Variants in GNAI1 observed in about 807,000 individuals in gnomAD.
GNAI1 encodes G protein subunit alpha i1.
In GNAI1, 11 loss-of-function variants were observed where a neutral mutation model predicts 38.9. The observed-to-expected ratio is 0.28, with a 90% CI of 0.18 to 0.47. The LOEUF is 0.47. GNAI1 is among the 20% of genes least tolerant of loss of function. The pLI is 0.99. For missense variants in GNAI1, 317 were observed against 436.9 expected, an observed-to-expected ratio of 0.73 and a Z score of 2.45; for synonymous variants, 166 against 145.1, an observed-to-expected ratio of 1.14 and a Z score of -1.04.
At chr7:80,137,913 A>G (rs887398920) in intron 1 of GNAI1, among the ~76,000 whole-genome samples, 9 of 152,184 alleles carry the variant, frequency 5.9e-5, no homozygotes, top group African/African-American at 1.7e-4. Flanking sequence ...GTTCGAAAAC[A>G]TTGTTTTCCT....
At chr7:80,198,852 GGA>G (rs1329804939) in intron 3 of GNAI1, among the ~76,000 whole-genome samples, 2 of 152,108 alleles carry the variant, frequency 1.3e-5, no homozygotes, top group Non-Finnish European at 2.9e-5. Flanking sequence ...AACATTTTGA[GGA>G]GAGAGGAAGA....
In GNAI1 at chr7:80,136,038, C is replaced by T. The variant is rs1398784632; in HGVS notation, c.118+760C>T. 4 of 985,306 alleles carry T rather than the reference C, an allele frequency of 4.1e-6. No individual in the cohort carries two copies. In the African/African-American group the frequency reaches 7.0e-5, roughly 17 times the overall value. The allele number at this position is 985,306 out of a possible 1,614,324, so 61.0% of individuals were successfully genotyped here. A position where few individuals can be genotyped will look rare whatever the true frequency, so the allele number is the denominator to read the frequency against. ...ACGCCAGACAACAGGGTTCTGTCTC[C>T]GCTGCCACCGTTTCTGATGAATGAG... On this transcript the variant is annotated intron_variant, in intron 1 of 7. Coordinates refer to ENST00000649796, the MANE Select transcript of GNAI1 (RefSeq NM_002069.6).
chr7:80,149,149 T>C (rs1787681822), intron 1 of GNAI1, among the ~76,000 whole-genome samples: 1 of 152,194 alleles, frequency 6.6e-6, no homozygotes, highest in South Asian at 2.1e-4. Context: ...ATTGCAAATG[T>C]AACTTTACAC....
chr7:80,145,363 G>A (rs776655167), intron 1 of GNAI1, among the ~76,000 whole-genome samples: 5 of 152,092 alleles, frequency 3.3e-5, no homozygotes, highest in African/African-American at 4.8e-5. Flanking sequence ...TTTTAAAGAG[G>A]TAATGTGGTG....
At chr7:80,210,730 T>A (rs947461101) in intron 5 of GNAI1, among the ~76,000 whole-genome samples, 4 of 50,278 alleles carry the variant, frequency 8.0e-5, no homozygotes, top group Non-Finnish European at 1.5e-4. Context: ...TTGTTTTTGC[T>A]TTTTTTTTTT....
At chr7:80,199,548 T>C (rs1340255698) in intron 4 of GNAI1, among the ~76,000 whole-genome samples, 166 bp downstream of exon 4, 2 of 152,226 alleles carry the variant, frequency 1.3e-5, no homozygotes, top group Non-Finnish European at 2.9e-5. Flanking sequence ...GTTGTGTGTG[T>C]GTAGATAGCA....
rs1022127828 is a variant in GNAI1 at position 80,221,618 on chromosome 7, T to C, written c.*4125T>C. Reference sequence around the variant, plus strand: ...TAGTATGAGAGAGTTTATATTTTAATGTTAGGTTGGAAATTTTCTTTTTTT... The same window carrying C: ...TAGTATGAGAGAGTTTATATTTTAACGTTAGGTTGGAAATTTTCTTTTTTT... On this transcript the variant is annotated 3_prime_UTR_variant, in exon 8 of 8. Transcript: ENST00000649796. 6.6e-6 allele frequency among the ~76,000 whole-genome samples: 1 copy of C among 150,450 alleles called. No individual in the cohort carries two copies. The highest frequency in any genetic ancestry group is 1.5e-5 in the Non-Finnish European group (1 of 67,824).
At chr7:80,191,457 T>C (rs767116721) in intron 3 of GNAI1, among the ~76,000 whole-genome samples, 13 of 152,152 alleles carry the variant, frequency 8.5e-5, no homozygotes, top group Admixed American at 3.9e-4. Context: ...AGTGGTGCAA[T>C]CTCAGCTCAC....
rs566718922 is a variant in GNAI1 at position 80,176,308 on chromosome 7, G to T, written c.119-12643G>T. On this transcript the variant is annotated intron_variant, in intron 1 of 7. Coordinates refer to ENST00000649796, the MANE Select transcript of GNAI1 (RefSeq NM_002069.6). ...AGAAGTGAGGAAGCTGCAGGTTCAG[G>T]AGCTTGAAGGAAAGAAGCCATCTCC... 1.2e-4 allele frequency among the ~76,000 whole-genome samples: 19 copies of T among 152,294 alleles called. No individual in the cohort carries two copies. In the South Asian group the frequency reaches 3.7e-3, roughly 30 times the overall value.
At chr7:80,186,014 A>G (rs1788380206) in intron 1 of GNAI1, among the ~76,000 whole-genome samples, 1 of 142,654 alleles carries the variant, frequency 7.0e-6, no homozygotes, top group Admixed American at 7.5e-5. Context: ...TAAGACTGCC[A>G]TCCGCACTCT....
At chr7:80,211,846 T>G (rs573287083) in intron 6 of GNAI1, among the ~76,000 whole-genome samples, 99 of 152,336 alleles carry the variant, frequency 6.5e-4, no homozygotes, top group African/African-American at 2.0e-3. Flanking sequence ...TAAGTTAACT[T>G]TATTACAAAG....
At chr7:80,177,211 T>C (rs1262732565) in intron 1 of GNAI1, among the ~76,000 whole-genome samples, 2 of 151,762 alleles carry the variant, frequency 1.3e-5, no homozygotes, top group South Asian at 2.1e-4. Context: ...TTTGTATTTT[T>C]AGTAGAGACG....
At chr7:80,172,094 A>T (rs1280724020) in intron 1 of GNAI1, among the ~76,000 whole-genome samples, 3 of 152,104 alleles carry the variant, frequency 2.0e-5, no homozygotes, top group African/African-American at 7.2e-5. Flanking sequence ...TGGAATTAGG[A>T]CCTACATGTT....
intron 3 of GNAI1, among the ~76,000 whole-genome samples, chr7:80,192,050 C>A (rs949955244): frequency 2.0e-5 from 3 of 152,132 alleles, no homozygotes; most frequent in African/African-American, 7.2e-5. Flanking sequence ...CAATTACTTA[C>A]CTTTTCACAT....
rs1242899176 is a variant in GNAI1 at position 80,134,869 on chromosome 7, CGGCGGGAGTGCAGCGGCCACT to C, written c.-290_-270del. ...CTTGGCGAGGCTGCGGCGCGGCCAC[CGGCGGGAGTGCAGCGGCCACT>C]GTACCCAGAGATTCAAAACCCCAAA... On this transcript the variant is annotated 5_prime_UTR_variant, in exon 1 of 8. Transcript: ENST00000649796. The C allele has an allele frequency of 4.2e-6, 1 of 240,358 alleles. No homozygotes were observed. The highest frequency in any genetic ancestry group is 8.0e-6 in the Non-Finnish European group (1 of 125,710). The allele number at this position is 240,358 out of a possible 1,614,324, so 14.9% of individuals were successfully genotyped here.
chr7:80,223,943 A>G lies in GNAI1; in HGVS notation c.*6450A>G, dbSNP rs771804677. ...AAGCATTTTTCTGGCTGAAGCTGCAATGGAAAGCTTCAGTATGAAGCTGGC... is the reference window on the plus strand; with the variant it reads ...AAGCATTTTTCTGGCTGAAGCTGCAGTGGAAAGCTTCAGTATGAAGCTGGC... On this transcript the variant is annotated 3_prime_UTR_variant, in exon 8 of 8. Coordinates refer to ENST00000649796, the MANE Select transcript of GNAI1 (RefSeq NM_002069.6). Among the ~76,000 whole-genome samples the G allele has an allele frequency of 2.0e-5, 3 of 152,188 alleles. No homozygotes were observed. The highest frequency in any genetic ancestry group is 4.8e-5 in the African/African-American group (2 of 41,448).
In GNAI1 at chr7:80,135,740, AG is replaced by A. The variant is rs1017602902; in HGVS notation, c.118+463del. 5 of 966,340 alleles carry A rather than the reference AG, an allele frequency of 5.2e-6. No homozygotes were observed. In the African/African-American group the frequency reaches 9.7e-5, roughly 19 times the overall value. 59.9% of individuals were successfully genotyped at this position (966,340 alleles called of 1,614,324 possible). ...TCGACTGTGGTTTTCTCATGCCCAG[AG>A]TGCCACGTTTGGTGAAATCAGTGCA... On this transcript the variant is annotated intron_variant, in intron 1 of 7. Coordinates refer to ENST00000649796, the MANE Select transcript of GNAI1 (RefSeq NM_002069.6).
chr7:80,154,081 C>T (rs62460732), intron 1 of GNAI1, among the ~76,000 whole-genome samples: 14,341 of 152,082 alleles, frequency 0.094, 716 homozygotes, highest in Non-Finnish European at 0.1. Context: ...CACCACCAAA[C>T]CCAGCTAAAT....
At position 80,217,570 on chromosome 7, in the gene GNAI1, G is replaced by A. The variant is rs1788995776; in HGVS notation, c.*77G>A. On this transcript the variant is annotated 3_prime_UTR_variant, in exon 8 of 8. Coordinates refer to ENST00000649796, the MANE Select transcript of GNAI1 (RefSeq NM_002069.6). Reference sequence around the variant, plus strand: ...ATGGATCTCTGTAGACTAGAGTCTTGCAGCAACACAGAATGTAATATAAGG... The same window carrying A: ...ATGGATCTCTGTAGACTAGAGTCTTACAGCAACACAGAATGTAATATAAGG... The A allele has an allele frequency of 1.2e-5, 9 of 753,828 alleles. No homozygotes were observed. The South Asian group carries it at 2.3e-4, about 19-fold the overall frequency. 46.7% of individuals were successfully genotyped at this position (753,828 alleles called of 1,614,324 possible). A position where few individuals can be genotyped will look rare whatever the true frequency, so the allele number is the denominator to read the frequency against.
Sources: gnomAD v4.1 joint callset for allele counts (sites outside exome capture counted in the v4.1 genomes callset) on GRCh38, gnomAD v4.1.1 for gene constraint, MANE v1.5 for transcripts, NCBI Gene and HGNC (gene_info 2026-07-23, HGNC 2026-07-21) for gene names.